The following WASF2 variants were observed in gnomAD, a reference collection of about 807,000 sequenced individuals.
WASF2 encodes the protein WASP family member 2.
WASF2 carries 14 observed loss-of-function variants against 45.0 expected under a neutral mutation model. The observed-to-expected ratio is 0.31, with a 90% CI of 0.21 to 0.49. The LOEUF is 0.49. Ranked by LOEUF, WASF2 falls within the 20% of genes least tolerant of loss-of-function variation. The probability of loss-of-function intolerance (pLI) is 0.99; values close to 1 mark genes in which losing one functional copy is unlikely to be tolerated. For missense variants in WASF2, 439 were observed against 636.1 expected (o/e 0.69, Z 3.33); for synonymous variants, 200 against 236.3 (o/e 0.85, Z 1.41).
chr1:27,424,299 C>T (rs2016947521), intron 2 of WASF2, among the ~76,000 whole-genome samples: 1 of 152,192 alleles, frequency 6.6e-6, no homozygotes, highest in Non-Finnish European at 1.5e-5. Context: ...TCAAATGTAA[C>T]CTCTTCTGTG....
At chr1:27,454,170 T>C (rs1557612266) in intron 1 of WASF2, among the ~76,000 whole-genome samples, 3 of 52,972 alleles carry the variant, frequency 5.7e-5, no homozygotes, top group Non-Finnish European at 9.4e-5. Context: ...TATATATATA[T>C]ATATATATAT....
intron 1 of WASF2, among the ~76,000 whole-genome samples, chr1:27,437,778 C>T (rs2017156464): frequency 6.6e-6 from 1 of 152,156 alleles, no homozygotes; most frequent in South Asian, 2.1e-4. Context: ...TTACCCTTTA[C>T]TCCTAATAAG....
At chr1:27,440,056 A>C (rs1299389412) in intron 1 of WASF2, among the ~76,000 whole-genome samples, 1 of 152,212 alleles carries the variant, frequency 6.6e-6, no homozygotes, top group Non-Finnish European at 1.5e-5. Context: ...AACTGGATAG[A>C]ATTTGGATGT....
intron 1 of WASF2, among the ~76,000 whole-genome samples, chr1:27,464,805 T>C (rs1339932757): frequency 2.6e-5 from 4 of 152,222 alleles, no homozygotes; most frequent in Non-Finnish European, 5.9e-5. Context: ...CTTGGCTTAC[T>C]GCAACCTGTG....
At chr1:27,485,008 G>A (rs1478852222) in intron 1 of WASF2, among the ~76,000 whole-genome samples, 1 of 151,790 alleles carries the variant, frequency 6.6e-6, no homozygotes, top group Non-Finnish European at 1.5e-5. Context: ...AACTTAGCCG[G>A]GCGTGGTGGC....
intron 1 of WASF2, among the ~76,000 whole-genome samples, chr1:27,470,440 G>C (rs957037798): frequency 6.6e-6 from 1 of 152,126 alleles, no homozygotes; most frequent in African/African-American, 2.4e-5. Flanking sequence ...GGAAAAGACA[G>C]GGAGGGATCT....
chr1:27,471,591 G>GTACTGCAGCCTGGCCAACA (rs2017689942), intron 1 of WASF2, among the ~76,000 whole-genome samples: 1 of 152,104 alleles, frequency 6.6e-6, no homozygotes, highest in South Asian at 2.1e-4. Flanking sequence ...TGGCGCCACT[G>GTACTGCAGCCTGGCCAACA]TACTGCAGCC....
At position 27,461,333 on chromosome 1, in the gene WASF2, GAATT is replaced by G. The variant is rs912436937; in HGVS notation, c.-44+28649_-44+28652del. Among the ~76,000 whole-genome samples, 21 of 150,460 alleles carry G rather than the reference GAATT, an allele frequency of 1.4e-4. No individual in the cohort carries two copies. In the East Asian group the frequency reaches 2.4e-3, roughly 18 times the overall value. Reference sequence around the variant, plus strand: ...CCACACACATTCACATACACACACAGAATTAATTAATTAATGAATTAATTAAGAC... The same window carrying G: ...CCACACACATTCACATACACACACAGAATTAATTAATGAATTAATTAAGAC... On this transcript the variant is annotated intron_variant, in intron 1 of 8. Transcript: ENST00000618852.
chr1:27,440,782 G>A (rs1165812145), intron 1 of WASF2, among the ~76,000 whole-genome samples: 2 of 151,948 alleles, frequency 1.3e-5, no homozygotes, highest in Non-Finnish European at 2.9e-5. Context: ...ACTTACAAGA[G>A]AATAGTTATG....
In WASF2 at chr1:27,410,157, A is replaced by G. The variant is rs746852578; in HGVS notation, c.874T>C (p.Ser292Pro). ...GGATGGCTTGGGCTGACCACACTGGATCTTTTGGGTCCAGCCAAACCAGAT... is the reference window on the plus strand; with the variant it reads ...GGATGGCTTGGGCTGACCACACTGGGTCTTTTGGGTCCAGCCAAACCAGAT... ...RGSGLAGPKRSSVVSPSHPPP... is the reference protein window; with the variant it reads ...RGSGLAGPKRPSVVSPSHPPP... The change falls in exon 8 of 9, where the codon TCC becomes CCC. Residue 292 changes from serine to proline, a missense_variant. Ser to Pro is a moderately conservative substitution (Grantham distance 74). Around this residue, in one of 5 missense-constraint regions of WASF2, gnomAD observed 286 missense variants for 373.5 expected, o/e 0.77. Transcript: ENST00000618852. This position sits in a 1 kb window ranked among gnomAD's most constrained non-coding sequence, Gnocchi z 4.2. 1.2e-6 allele frequency: 2 copies of G among 1,613,952 alleles called. No individual in the cohort carries two copies. Among genetic ancestry groups the G allele is most frequent in the Non-Finnish European group, 1.7e-6 (2 of 1,179,972 alleles).
intron 1 of WASF2, among the ~76,000 whole-genome samples, chr1:27,444,666 G>A (rs148045422): frequency 2.0e-5 from 3 of 152,276 alleles, no homozygotes; most frequent in Non-Finnish European, 4.4e-5. Context: ...AGGCTCTTCA[G>A]GAACATGGAG....
At chr1:27,451,796 C>T (rs1261474197) in intron 1 of WASF2, among the ~76,000 whole-genome samples, 1 of 152,150 alleles carries the variant, frequency 6.6e-6, no homozygotes, top group Non-Finnish European at 1.5e-5. Flanking sequence ...AGTAGTCACC[C>T]CTTATCCTCA....
In WASF2 at chr1:27,414,791, C is replaced by T. The variant is rs1323150592; in HGVS notation, c.668+42G>A. The T allele has an allele frequency of 1.0e-5, 16 of 1,606,718 alleles. No individual in the cohort carries two copies. The highest frequency in any genetic ancestry group is 3.4e-5 in the Admixed American group (2 of 59,374). ...GAGCTGTCAGACTGTTGTCCCCAGCCCCTTCAAAGAATGCTACCAACAGTA... is the reference window on the plus strand; with the variant it reads ...GAGCTGTCAGACTGTTGTCCCCAGCTCCTTCAAAGAATGCTACCAACAGTA... On this transcript the variant is annotated intron_variant, in intron 6 of 8. Coordinates refer to ENST00000618852, the MANE Select transcript of WASF2 (RefSeq NM_006990.5). The surrounding 1 kb of genome is among the most constrained non-coding windows in gnomAD (Gnocchi z 4.1).
intron 1 of WASF2, among the ~76,000 whole-genome samples, chr1:27,442,796 T>C (rs1289241959): frequency 6.6e-6 from 1 of 150,680 alleles, no homozygotes; most frequent in Non-Finnish European, 1.5e-5. Flanking sequence ...AGGTCAGGAG[T>C]TTGCGACCAG....
intron 1 of WASF2, among the ~76,000 whole-genome samples, chr1:27,454,154 T>C (rs1293509095): frequency 1.2e-4 from 12 of 97,128 alleles, no homozygotes; most frequent in African/African-American, 5.0e-4. Context: ...TGTGTGTGTG[T>C]ATATATATAT....
chr1:27,464,823 G>C (rs1008816938), intron 1 of WASF2, among the ~76,000 whole-genome samples: 10 of 152,166 alleles, frequency 6.6e-5, no homozygotes, highest in African/African-American at 2.2e-4. Context: ...GTGCCTCCTG[G>C]GTTCAAGCAA....
intron 1 of WASF2, among the ~76,000 whole-genome samples, chr1:27,468,065 A>G (rs1264932274): frequency 6.6e-6 from 1 of 151,876 alleles, no homozygotes; most frequent in Non-Finnish European, 1.5e-5. Context: ...ACCCAAGTAG[A>G]TGGGATTACA....
chr1:27,482,943 G>T (rs2017872413), intron 1 of WASF2, among the ~76,000 whole-genome samples: 1 of 152,172 alleles, frequency 6.6e-6, no homozygotes, highest in Admixed American at 6.5e-5. Context: ...CACAACTGGG[G>T]CAGAGGGGGT....
chr1:27,447,337 AT>A (rs1470245911), intron 1 of WASF2, among the ~76,000 whole-genome samples: 1 of 152,210 alleles, frequency 6.6e-6, no homozygotes, highest in African/African-American at 2.4e-5. Context: ...GTACTAAGAC[AT>A]ATCATGTGTT....
Sources: gnomAD v4.1 joint callset for allele counts (sites outside exome capture counted in the v4.1 genomes callset) on GRCh38, gnomAD v4.1.1 for gene constraint, gnomAD v4.1.1 regional missense constraint, Gnocchi (gnomAD v3.1) non-coding constraint, MANE v1.5 for transcripts, NCBI Gene and HGNC (gene_info 2026-07-23, HGNC 2026-07-21) for gene names.